Variants in TET3 observed in about 807,000 individuals in gnomAD.
TET3 encodes the protein methylcytosine dioxygenase TET3.
A neutral mutation model predicts 141.4 loss-of-function variants in TET3; 19 were observed. That is an observed-to-expected ratio of 0.13 (90% CI 0.09 to 0.20). TET3 has a LOEUF of 0.20. Among genes scored for constraint, TET3 ranks in the 10% least tolerant of loss-of-function variants. The pLI, the probability that TET3 is intolerant of heterozygous loss-of-function variation, is 1.00. For missense variants in TET3, 1,874 were observed against 2,356.9 expected, an observed-to-expected ratio of 0.80 and a Z score of 4.24; for synonymous variants, 1,043 against 980.9, an observed-to-expected ratio of 1.06 and a Z score of -1.18.
At chr2:74,037,260 C>T (rs753551367) in intron 3 of TET3, among the ~76,000 whole-genome samples, 2 of 152,184 alleles carry the variant, frequency 1.3e-5, no homozygotes, top group African/African-American at 4.8e-5. Flanking sequence ...ATAAATCTTC[C>T]GAAGGGAGAA....
chr2:74,032,938 A>T (rs1436879829), intron 3 of TET3, among the ~76,000 whole-genome samples: 3 of 152,096 alleles, frequency 2.0e-5, no homozygotes, highest in Non-Finnish European at 4.4e-5. Context: ...TTGGCACCCC[A>T]TCTCAACTAG....
At chr2:74,066,170 G>A (rs1688887529) in intron 4 of TET3, among the ~76,000 whole-genome samples, 1 of 152,132 alleles carries the variant, frequency 6.6e-6, no homozygotes, top group Non-Finnish European at 1.5e-5. Context: ...GACAGGACCC[G>A]AGTTCATAAT....
chr2:74,059,614 G>C (rs1302579906), intron 4 of TET3, among the ~76,000 whole-genome samples: 1 of 151,796 alleles, frequency 6.6e-6, no homozygotes, highest in East Asian at 1.9e-4. Context: ...GTACAGTGAT[G>C]TGATCATAGC....
At chr2:74,011,615 T>G (rs1425902686) in intron 3 of TET3, among the ~76,000 whole-genome samples, 1 of 152,248 alleles carries the variant, frequency 6.6e-6, no homozygotes, top group Non-Finnish European at 1.5e-5. Context: ...ACCTTTAGTT[T>G]CTTTTCTACC....
At chr2:74,018,128 C>T (rs533372158) in intron 3 of TET3, among the ~76,000 whole-genome samples, 69 of 151,912 alleles carry the variant, frequency 4.5e-4, no homozygotes, top group African/African-American at 1.6e-3. Flanking sequence ...CCACCGTGCC[C>T]GACTAATTTT....
rs776625446 is a variant in TET3 at position 74,073,601 on chromosome 2, C to T, written c.2547C>T (p.Gly849=). Residue 849 remains glycine (G), a synonymous_variant, in exon 5 of 12, where the codon GGC becomes GGT. Coordinates refer to ENST00000409262, the MANE Select transcript of TET3 (RefSeq NM_001287491.2). The stretch of plus-strand genomic sequence containing the variant: ...CATATTATACTCACTTGGGATCTGG[C>T]CCCACGGTCGCCTCTATCCGGGAAC... ...EGPYYTHLGS[G]PTVASIRELM... is the part of the protein sequence containing the mutation. 6.2e-7 allele frequency: 1 copy of T among 1,612,146 alleles called. No homozygotes were observed. Among genetic ancestry groups the T allele is most frequent in the Admixed American group, 1.7e-5 (1 of 59,820 alleles).
At chr2:74,036,703 G>A (rs1446902291) in intron 3 of TET3, among the ~76,000 whole-genome samples, 1 of 152,194 alleles carries the variant, frequency 6.6e-6, no homozygotes, top group African/African-American at 2.4e-5. Context: ...GCGACAATTT[G>A]CATGATACTC....
intron 4 of TET3, among the ~76,000 whole-genome samples, chr2:74,062,845 T>C (rs1235490537): frequency 6.6e-6 from 1 of 151,254 alleles, no homozygotes. Flanking sequence ...AACCGTATGC[T>C]GAAGGATCTA....
chr2:74,099,219 T>C, intron 10 of TET3, 57 bp from the exon 11 acceptor site: 1 of 1,474,136 alleles, frequency 6.8e-7, no homozygotes, highest in Non-Finnish European at 9.1e-7. Flanking sequence ...CAGACCCCTC[T>C]CTCCCAGCAC....
intron 3 of TET3, among the ~76,000 whole-genome samples, chr2:74,045,216 T>C (rs1401292469): frequency 3.3e-5 from 5 of 152,198 alleles, no homozygotes; most frequent in African/African-American, 9.7e-5. Context: ...TGGTGATGAT[T>C]GTAACTTTGG....
At chr2:74,063,592 T>C (rs1052027288) in intron 4 of TET3, among the ~76,000 whole-genome samples, 4 of 152,030 alleles carry the variant, frequency 2.6e-5, no homozygotes, top group Admixed American at 6.6e-5. Context: ...CTTATATGAG[T>C]TTTTGTAAAA....
chr2:74,130,920 T>A, the TET3 span: 5 of 151,952 alleles, frequency 3.3e-5, no homozygotes, highest in African/African-American at 1.2e-4. Context: ...TCCCCGCAAA[T>A]GGGTGAGGGG....
chr2:74,018,830 G>T (rs1685875428), intron 3 of TET3, among the ~76,000 whole-genome samples: 1 of 150,712 alleles, frequency 6.6e-6, no homozygotes, highest in African/African-American at 2.5e-5. Context: ...GGATTTTTCA[G>T]TTGGAATCAC....
At chr2:73,984,098 T>C (rs1198400599), upstream of TET3, among the ~76,000 whole-genome samples, 1 of 152,260 alleles carries the variant, frequency 6.6e-6, no homozygotes, top group Non-Finnish European at 1.5e-5. The surrounding 1 kb of genome is among the most constrained non-coding windows in gnomAD (Gnocchi z 5.6). Context: ...CGCCGGGTTT[T>C]AGGGCTTAGT....
rs564785553 is a variant in TET3, at chr2:73,988,533, G to A, written c.303+1827G>A. Among the ~76,000 whole-genome samples, 8 of 152,270 alleles carry A rather than the reference G, an allele frequency of 5.3e-5. No individual in the cohort carries two copies. In the East Asian group the frequency reaches 9.6e-4, roughly 18 times the overall value. ...CTTGTCATCCTGTGTGTAAGCTGTC[G>A]GCCCAGGCTGCCGGGTGGTCTTGGT... On this transcript the variant is annotated intron_variant, in intron 2 of 11. Coordinates refer to ENST00000409262, the MANE Select transcript of TET3 (RefSeq NM_001287491.2).
intron 5 of TET3, among the ~76,000 whole-genome samples, chr2:74,079,379 A>C (rs1198266001): frequency 6.6e-6 from 1 of 152,156 alleles, no homozygotes; most frequent in African/African-American, 2.4e-5. Context: ...GCCCCTGGCC[A>C]TCTTAGGTGC....
chr2:74,047,495 C>G lies in TET3; in HGVS notation c.1578C>G (p.Thr526=), dbSNP rs371908309. 1.9e-6 allele frequency: 3 copies of G among 1,612,862 alleles called. No homozygotes were observed. The highest frequency in any genetic ancestry group is 1.7e-5 in the Admixed American group (1 of 60,026). ...CCGACACCCACCAGAAGGCCCAGACCGCCCTGCAGCAGCACCTCCACCACA... is the reference window on the plus strand; with the variant it reads ...CCGACACCCACCAGAAGGCCCAGACGGCCCTGCAGCAGCACCTCCACCACA... ...SEPDTHQKAQ[T]ALQQHLHHKR... is the part of the protein sequence containing the mutation. The change falls in exon 4 of 12, where the codon ACC becomes ACG. Residue 526 remains threonine (T), a synonymous_variant. Transcript: ENST00000409262.
intron 3 of TET3, among the ~76,000 whole-genome samples, chr2:74,033,626 G>A (rs1467307090): frequency 6.6e-6 from 1 of 152,148 alleles, no homozygotes; most frequent in East Asian, 1.9e-4. Context: ...CTGGTCACGT[G>A]AACTTTTTGG....
rs1443661146 is a variant in TET3, at chr2:74,107,584, T to C, written c.*5408T>C. On this transcript the variant is annotated 3_prime_UTR_variant, in exon 12 of 12. Coordinates refer to ENST00000409262, the MANE Select transcript of TET3 (RefSeq NM_001287491.2). Reference sequence around the variant, plus strand: ...AAACAGGAGTGATGTCATTTCTTTTTCATGTATTCCAATTAAAGAAACAAG... The same window carrying C: ...AAACAGGAGTGATGTCATTTCTTTTCCATGTATTCCAATTAAAGAAACAAG... The C allele has an allele frequency of 6.6e-6, 1 of 152,214 alleles. No individual in the cohort carries two copies. The highest frequency in any genetic ancestry group is 1.5e-5 in the Non-Finnish European group (1 of 68,038). The allele number at this position is 152,214 out of a possible 1,614,324, so 9.4% of individuals were successfully genotyped here.
Sources: gnomAD v4.1 joint callset for allele counts (sites outside exome capture counted in the v4.1 genomes callset) on GRCh38, gnomAD v4.1.1 for gene constraint, Gnocchi (gnomAD v3.1) non-coding constraint, MANE v1.5 for transcripts, NCBI Gene and HGNC (gene_info 2026-07-23, HGNC 2026-07-21) for gene names.